TNFRSF6B: variants seen among roughly 807,000 people sequenced by gnomAD.
TNFRSF6B encodes TNF receptor superfamily member 6b.
Under a neutral mutation model 17.9 loss-of-function variants are expected in TNFRSF6B, and 23 were observed. That is an observed-to-expected ratio of 1.28 (90% CI 0.92 to 1.82). TNFRSF6B has a LOEUF of 1.82. Among genes scored for constraint, TNFRSF6B ranks in the 40% most tolerant of loss-of-function variants. The pLI is 0.00. For missense variants in TNFRSF6B, 555 were observed against 437.2 expected (o/e 1.27, Z -2.40); for synonymous variants, 291 against 195.8 (o/e 1.49, Z -4.06).
chr20:63,697,359 G>A lies in TNFRSF6B; in HGVS notation c.456G>A (p.Pro152=), dbSNP rs758901682. 19 of 1,611,874 alleles carry A rather than the reference G, an allele frequency of 1.2e-5. No individual in the cohort carries two copies. Among genetic ancestry groups the A allele is most frequent in the Admixed American group, 5.0e-5 (3 of 59,912 alleles). The stretch of plus-strand genomic sequence containing the variant: ...CCAGCCAGAACACGCAGTGCCAGCC[G>A]TGCCCCCCAGGCACCTTCTCAGCCA... The part of the protein sequence containing the change: ...GTPSQNTQCQ[P]CPPGTFSASS... The change falls in exon 2 of 3, where the codon CCG becomes CCA. Residue 152 remains proline (P), a synonymous_variant. Transcript: ENST00000369996.
rs1022996360 is a variant in TNFRSF6B at position 63,697,283 on chromosome 20, T to G, written c.425-45T>G. The G allele has an allele frequency of 1.9e-6, 3 of 1,582,926 alleles. No homozygotes were observed. The African/African-American group carries it at 4.0e-5, about 21-fold the overall frequency. On this transcript the variant is annotated intron_variant, in intron 1 of 2. Transcript: ENST00000369996. ...CTGGTCCCAGCCTTGCACCCTGAGC[T>G]AGGACACCAGTTCCCCTGACCCTGT...
In TNFRSF6B at chr20:63,697,200, T is replaced by TG; in HGVS notation, c.424+12dup. ...CGGCGTGATTGCCCCGGGTGAGAGC[T>TG]GGGCGAGGGGAGGGGCCCCCAGGAG... On this transcript the variant is annotated intron_variant, in intron 1 of 2. Coordinates refer to ENST00000369996, the MANE Select transcript of TNFRSF6B (RefSeq NM_003823.4). 7.1e-6 allele frequency: 11 copies of TG among 1,554,828 alleles called. No homozygotes were observed. The highest frequency in any genetic ancestry group is 9.6e-6 in the Non-Finnish European group (11 of 1,147,914).
At position 63,698,666 on chromosome 20, in the gene TNFRSF6B, A is replaced by G. The variant is rs572913653; in HGVS notation, c.*103A>G. Reference sequence around the variant, plus strand: ...ATGAGGTTTCTTAAAGCTTATTTTTATAAAGCTTTTTCATAAAACTGGTTG... The same window carrying G: ...ATGAGGTTTCTTAAAGCTTATTTTTGTAAAGCTTTTTCATAAAACTGGTTG... On this transcript the variant is annotated 3_prime_UTR_variant, in exon 3 of 3. Transcript: ENST00000369996. The G allele has an allele frequency of 2.3e-6, 3 of 1,303,568 alleles. No individual in the cohort carries two copies. The highest frequency in any genetic ancestry group is 3.1e-5 in the East Asian group (1 of 32,338). 80.8% of individuals were successfully genotyped at this position (1,303,568 alleles called of 1,614,324 possible). A position where few individuals can be genotyped will look rare whatever the true frequency, so the allele number is the denominator to read the frequency against.
At position 63,696,760 on chromosome 20, in the gene TNFRSF6B, C is replaced by G. The variant is rs1455751933; in HGVS notation, c.-8C>G. Reference sequence around the variant, plus strand: ...CTGAGCCGCGCTCTCCCTGCTCCAGCAAGGACCATGAGGGCGCTGGAGGGG... The same window carrying G: ...CTGAGCCGCGCTCTCCCTGCTCCAGGAAGGACCATGAGGGCGCTGGAGGGG... On this transcript the variant is annotated 5_prime_UTR_variant, in exon 1 of 3. Transcript: ENST00000369996. 1.3e-6 allele frequency: 2 copies of G among 1,568,926 alleles called. No homozygotes were observed.
In TNFRSF6B at chr20:63,697,040, C is replaced by T. The variant is rs1277844043; in HGVS notation, c.273C>T (p.Cys91=). The change falls in exon 1 of 3, where the codon TGC becomes TGT. Residue 91 remains cysteine, a synonymous_variant. Transcript: ENST00000369996. The part of the protein sequence containing the change: ...FWNYLERCRY[C]NVLCGEREEE... ...ACTACCTAGAGCGCTGCCGCTACTG[C>T]AACGTCCTCTGCGGGGAGCGTGAGG... 4.4e-6 allele frequency: 7 copies of T among 1,607,584 alleles called. No homozygotes were observed. The highest frequency in any genetic ancestry group is 5.9e-6 in the Non-Finnish European group (7 of 1,179,102).
At chr20:63,697,588 C>T (rs1601207987) in intron 2 of TNFRSF6B, 66 bp downstream of exon 2, 10 of 1,441,758 alleles carry the variant, frequency 6.9e-6, no homozygotes, top group East Asian at 2.5e-5. Flanking sequence ...CACTCCTGCC[C>T]CTGCACGTGC....
chr20:63,696,921 T>G lies in TNFRSF6B; in HGVS notation c.154T>G (p.Cys52Gly), dbSNP rs746540352. Reference protein sequence around the residue: ...ETGERLVCAQCPPGTFVQRPC... With the variant: ...ETGERLVCAQGPPGTFVQRPC... The stretch of plus-strand genomic sequence containing the variant: ...AGGGGAGCGGCTGGTGTGCGCCCAG[T>G]GCCCCCCAGGCACCTTTGTGCAGCG... Residue 52 changes from cysteine to glycine, a missense_variant, in exon 1 of 3, where the codon TGC (cysteine) becomes GGC (glycine). Cys to Gly is a radical substitution (Grantham distance 159). Transcript: ENST00000369996. The G allele has an allele frequency of 3.1e-6, 5 of 1,610,284 alleles. No individual in the cohort carries two copies. The highest frequency in any genetic ancestry group is 4.2e-6 in the Non-Finnish European group (5 of 1,179,010).
At position 63,698,345 on chromosome 20, in the gene TNFRSF6B, CT is replaced by C. The variant is rs1568733332; in HGVS notation, c.686del (p.Leu229ArgfsTer27). The C allele has an allele frequency of 6.2e-7, 1 of 1,611,238 alleles. No homozygotes were observed. Among genetic ancestry groups the C allele is most frequent in the Non-Finnish European group, 8.5e-7 (1 of 1,179,316 alleles). Reference protein sequence around the residue: ...VAFQDISIKRLQRLLQALEAP... With the variant: ...VAFQDISIKRXQRLLQALEAP... Reference sequence around the variant, plus strand: ...TTTCCAGGACATCTCCATCAAGAGGCTGCAGCGGCTGCTGCAGGCCCTCGAG... The same window carrying C: ...TTTCCAGGACATCTCCATCAAGAGGCGCAGCGGCTGCTGCAGGCCCTCGAG... On this transcript the variant is annotated frameshift_variant, in exon 3 of 3. Coordinates refer to ENST00000369996, the MANE Select transcript of TNFRSF6B (RefSeq NM_003823.4). LOFTEE classifies it low-confidence loss of function (END_TRUNC).
Position 63,698,558 on chromosome 20 carries a change from C to T in TNFRSF6B, c.898C>T (p.His300Tyr). 9.3e-6 allele frequency: 14 copies of T among 1,505,118 alleles called. No individual in the cohort carries two copies. The highest frequency in any genetic ancestry group is 1.5e-5 in the African/African-American group (1 of 67,890). 93.2% of individuals were successfully genotyped at this position (1,505,118 alleles called of 1,614,324 possible). ...CGTCCGTGAGCGCTTCCTCCCTGTGCACTGATCCTGGCCCCCTCTTATTTA... is the reference window on the plus strand; with the variant it reads ...CGTCCGTGAGCGCTTCCTCCCTGTGTACTGATCCTGGCCCCCTCTTATTTA... The part of the protein sequence containing the change: ...RSVRERFLPV[H>Y] Residue 300 changes from histidine to tyrosine, a missense_variant, in exon 3 of 3, where the codon CAC (histidine) becomes TAC (tyrosine). Coordinates refer to ENST00000369996, the MANE Select transcript of TNFRSF6B (RefSeq NM_003823.4).
At chr20:63,697,753 T>C (rs1433251202) in intron 2 of TNFRSF6B, among the ~76,000 whole-genome samples, 1 of 152,070 alleles carries the variant, frequency 6.6e-6, no homozygotes, top group African/African-American at 2.4e-5. Flanking sequence ...TGGGGAGCTC[T>C]GGGAAAGTGG....
chr20:63,697,129 C>T lies in TNFRSF6B; in HGVS notation c.362C>T (p.Ala121Val), dbSNP rs1173176877. 31 of 1,591,136 alleles carry T rather than the reference C, an allele frequency of 1.9e-5. No homozygotes were observed. Among genetic ancestry groups the T allele is most frequent in the Admixed American group, 3.5e-5 (2 of 57,104 alleles). Residue 121 changes from alanine to valine, a missense_variant, in exon 1 of 3, where the codon GCG becomes GTG. Physicochemically the swap from Ala to Val is moderately conservative, Grantham distance 64. Transcript: ENST00000369996. ...RACRCRTGFF[A>V]HAGFCLEHAS... is the part of the protein sequence containing the mutation. ...TGCCGCTGCCGCACCGGCTTCTTCG[C>T]GCACGCTGGTTTCTGCTTGGAGCAC... is the stretch of plus-strand genomic sequence containing the variant.
chr20:63,698,302 C>A lies in TNFRSF6B; in HGVS notation c.642C>A (p.Ala214=), dbSNP rs112186341. Residue 214 remains alanine, a synonymous_variant, in exon 3 of 3, where the codon GCC becomes GCA. Coordinates refer to ENST00000369996, the MANE Select transcript of TNFRSF6B (RefSeq NM_003823.4). ...RVPGAEECER[A]VIDFVAFQDI... is the part of the protein sequence containing the mutation. ...CAGGAGCTGAGGAGTGTGAGCGTGC[C>A]GTCATCGACTTTGTGGCTTTCCAGG... 1 of 1,610,822 alleles carries A rather than the reference C, an allele frequency of 6.2e-7. No individual in the cohort carries two copies. Among genetic ancestry groups the A allele is most frequent in the Non-Finnish European group, 8.5e-7 (1 of 1,179,198 alleles).
At chr20:63,697,710 G>T (rs1022293949) in intron 2 of TNFRSF6B, among the ~76,000 whole-genome samples, 188 bp downstream of exon 2, 1 of 152,186 alleles carries the variant, frequency 6.6e-6, no homozygotes, top group African/African-American at 2.4e-5. Flanking sequence ...GGGTGGCTGA[G>T]AATTTGGATC....
At chr20:63,698,103 TCCTG>T (rs913043203) in intron 2 of TNFRSF6B, among the ~76,000 whole-genome samples, 173 bp from the exon 3 acceptor site, 2 of 152,114 alleles carry the variant, frequency 1.3e-5, no homozygotes, top group African/African-American at 4.8e-5. Context: ...GACCGAAGGC[TCCTG>T]CCCCTTCTCC....
In TNFRSF6B at chr20:63,698,621, C is replaced by CT. The variant is rs201921730; in HGVS notation, c.*66dup. 3.4e-3 allele frequency: 4,824 copies of CT among 1,405,064 alleles called. 37 individuals are homozygous for CT. Among genetic ancestry groups the CT allele is most frequent in the East Asian group, 0.029 (1,046 of 35,914 alleles). 87.0% of individuals were successfully genotyped at this position (1,405,064 alleles called of 1,614,324 possible). A position where few individuals can be genotyped will look rare whatever the true frequency, so the allele number is the denominator to read the frequency against. ...GGCACCCCACTTGCACTGAAAGAGG[C>CT]TTTTTTTTAAATAGAAGAAATGAGG... On this transcript the variant is annotated 3_prime_UTR_variant, in exon 3 of 3. Transcript: ENST00000369996.
rs541025487 is a variant in TNFRSF6B, at chr20:63,698,497, G to A, written c.837G>A (p.Ala279=). The change falls in exon 3 of 3, where the codon GCG becomes GCA. Residue 279 remains alanine (A), a synonymous_variant. Coordinates refer to ENST00000369996, the MANE Select transcript of TNFRSF6B (RefSeq NM_003823.4). ...DGALLVRLLQ[A]LRVARMPGLE... Reference sequence around the variant, plus strand: ...CGCTGCTGGTGCGGCTGCTGCAGGCGCTGCGCGTGGCCAGGATGCCCGGGC... The same window carrying A: ...CGCTGCTGGTGCGGCTGCTGCAGGCACTGCGCGTGGCCAGGATGCCCGGGC... The A allele has an allele frequency of 1.5e-5, 23 of 1,546,466 alleles. No individual in the cohort carries two copies. Among genetic ancestry groups the A allele is most frequent in the Middle Eastern group, 2.2e-4 (1 of 4,528 alleles).
rs757896235 is a variant in TNFRSF6B at position 63,696,918 on chromosome 20, C to T, written c.151C>T (p.Gln51Ter). Residue 51 changes from glutamine (Q) to a stop codon, truncating the protein, a stop_gained, in exon 1 of 3, where the codon CAG becomes TAG. Transcript: ENST00000369996. LOFTEE classifies it high-confidence loss of function. ...AETGERLVCA[Q>*]CPPGTFVQRP... Reference sequence around the variant, plus strand: ...GACAGGGGAGCGGCTGGTGTGCGCCCAGTGCCCCCCAGGCACCTTTGTGCA... The same window carrying T: ...GACAGGGGAGCGGCTGGTGTGCGCCTAGTGCCCCCCAGGCACCTTTGTGCA... 1.9e-6 allele frequency: 3 copies of T among 1,610,280 alleles called. No individual in the cohort carries two copies. The highest frequency in any genetic ancestry group is 2.5e-6 in the Non-Finnish European group (3 of 1,179,024).
chr20:63,698,506 G>GGCCA lies in TNFRSF6B; in HGVS notation c.848_851dup (p.Arg284SerfsTer12). 5.8e-6 allele frequency: 9 copies of GGCCA among 1,548,144 alleles called. No homozygotes were observed. Among genetic ancestry groups the GGCCA allele is most frequent in the Non-Finnish European group, 7.8e-6 (9 of 1,155,762 alleles). On this transcript the variant is annotated frameshift_variant, in exon 3 of 3. Coordinates refer to ENST00000369996, the MANE Select transcript of TNFRSF6B (RefSeq NM_003823.4). LOFTEE classifies it low-confidence loss of function (END_TRUNC). ...TGCGGCTGCTGCAGGCGCTGCGCGTGGCCAGGATGCCCGGGCTGGAGCGGA... is the reference window on the plus strand; with the variant it reads ...TGCGGCTGCTGCAGGCGCTGCGCGTGGCCAGCCAGGATGCCCGGGCTGGAGCGGA...
At position 63,698,589 on chromosome 20, in the gene TNFRSF6B, C is replaced by T; in HGVS notation, c.*26C>T. The T allele has an allele frequency of 6.8e-7, 1 of 1,465,044 alleles. No individual in the cohort carries two copies. The highest frequency in any genetic ancestry group is 9.0e-7 in the Non-Finnish European group (1 of 1,111,924). 90.8% of individuals were successfully genotyped at this position (1,465,044 alleles called of 1,614,324 possible). On this transcript the variant is annotated 3_prime_UTR_variant, in exon 3 of 3. Coordinates refer to ENST00000369996, the MANE Select transcript of TNFRSF6B (RefSeq NM_003823.4). ...TCCTGGCCCCCTCTTATTTATTCTA[C>T]ATCCTTGGCACCCCACTTGCACTGA...
Sources: allele counts gnomAD v4.1 joint callset (sites outside exome capture counted in the v4.1 genomes callset), GRCh38; gene constraint gnomAD v4.1.1; transcripts MANE v1.5; gene names NCBI Gene and HGNC (gene_info 2026-07-23, HGNC 2026-07-21).